HECTD4: variants seen among roughly 807,000 people sequenced by gnomAD.
HECTD4 encodes the protein probable E3 ubiquitin-protein ligase HECTD4.
In HECTD4, 114 loss-of-function variants were observed where a neutral mutation model predicts 471.5. The ratio of observed to expected loss-of-function variants is 0.24; its 90% CI spans 0.21 to 0.28. HECTD4 has a LOEUF of 0.28. Ranked by LOEUF, HECTD4 falls within the 10% of genes least tolerant of loss-of-function variation. The pLI is 1.00. For synonymous variants in HECTD4, 2,012 were observed against 2,256.0 expected, an observed-to-expected ratio of 0.89 and a Z score of 3.07; for missense variants, 3,866 against 5,651.5, an observed-to-expected ratio of 0.68 and a Z score of 10.13.
chr12:112,288,246 G>A (rs1258018372), intron 7 of HECTD4, among the ~76,000 whole-genome samples: 3 of 150,886 alleles, frequency 2.0e-5, no homozygotes, highest in African/African-American at 4.9e-5. Flanking sequence ...TTGAACCCAG[G>A]AGGCAGAGGT....
Position 112,208,595 on chromosome 12 carries a change from C to T in HECTD4, c.7903G>A (p.Glu2635Lys), listed in dbSNP as rs757285128. 1.0e-5 allele frequency: 16 copies of T among 1,603,720 alleles called. No homozygotes were observed. Among genetic ancestry groups the T allele is most frequent in the East Asian group, 6.7e-5 (3 of 44,488 alleles). ...DSDTSCHYKV[E>K]LSYENFITSG... ...GTGATGAAATTCTCATAGCTGAGCTCGACTTTATAATGACAGGAGGTGTCA... is the reference window on the plus strand; with the variant it reads ...GTGATGAAATTCTCATAGCTGAGCTTGACTTTATAATGACAGGAGGTGTCA... The change falls in exon 51 of 76, where the codon GAG becomes AAG. Residue 2635 changes from glutamate to lysine, a missense_variant. Glu to Lys is a moderately conservative substitution (Grantham distance 56). Around this residue, in one of 16 missense-constraint regions of HECTD4, gnomAD observed 266 missense variants for 441.6 expected, o/e 0.60. Transcript: ENST00000682272.
intron 32 of HECTD4, among the ~76,000 whole-genome samples, chr12:112,241,564 C>T (rs958722894): frequency 2.0e-5 from 3 of 152,122 alleles, no homozygotes; most frequent in Admixed American, 6.6e-5. Flanking sequence ...TGGCCTCAAG[C>T]GATCTTCCTG....
At position 112,193,302 on chromosome 12, in the gene HECTD4, G is replaced by A; in HGVS notation, c.8956-111C>T. 2 of 1,417,176 alleles carry A rather than the reference G, an allele frequency of 1.4e-6. No individual in the cohort carries two copies. The highest frequency in any genetic ancestry group is 9.7e-7 in the Non-Finnish European group (1 of 1,036,092). 87.8% of individuals were successfully genotyped at this position (1,417,176 alleles called of 1,614,324 possible). On this transcript the variant is annotated intron_variant, in intron 57 of 75. Transcript: ENST00000682272. This position sits in a 1 kb window ranked among gnomAD's most constrained non-coding sequence, Gnocchi z 5.2. ...CAGCCAAACGACTAAATAGCCCTCT[G>A]GAAGGAAGCAAGCTACAGATGAGAT...
At position 112,192,544 on chromosome 12, in the gene HECTD4, G is replaced by A. The variant is rs766859627; in HGVS notation, c.9292+16C>T. On this transcript the variant is annotated intron_variant, in intron 59 of 75. Coordinates refer to ENST00000682272, the MANE Select transcript of HECTD4 (RefSeq NM_001388303.1). ...ACTCCAGCTGTTCTCATCATGACAA[G>A]CTGCTGGAGACTCACCCAGTTTGAT... 4.0e-6 allele frequency: 6 copies of A among 1,515,192 alleles called. No individual in the cohort carries two copies. The African/African-American group carries it at 8.3e-5, about 21-fold the overall frequency. The allele number at this position is 1,515,192 out of a possible 1,614,324, so 93.9% of individuals were successfully genotyped here.
chr12:112,176,563 C>A, intron 65 of HECTD4, 33 bp downstream of exon 65: 2 of 1,492,866 alleles, frequency 1.3e-6, no homozygotes, highest in Non-Finnish European at 1.9e-6. Context: ...GAAGTAGGTC[C>A]CAGCCCACTC....
intron 44 of HECTD4, among the ~76,000 whole-genome samples, chr12:112,221,738 CTT>C (rs758375903): frequency 5.3e-5 from 8 of 151,514 alleles, no homozygotes; most frequent in African/African-American, 1.7e-4. Flanking sequence ...GACGCTGTCT[CTT>C]GTTTTTCTTT....
At chr12:112,220,485 T>C (rs2033055813) in intron 44 of HECTD4, among the ~76,000 whole-genome samples, 1 of 152,076 alleles carries the variant, frequency 6.6e-6, no homozygotes, top group Non-Finnish European at 1.5e-5. Context: ...AAAGGCTTAA[T>C]GAAAACATCA....
rs1430387059 is a variant in HECTD4 at position 112,381,898 on chromosome 12, G to A, written c.177+54C>T. The stretch of plus-strand genomic sequence containing the variant: ...GGCGAGGAGGGGGCCCGACCCGGGG[G>A]TGCCGGGCGAGTGGGTCAGTCCGAT... On this transcript the variant is annotated intron_variant, in intron 1 of 75. Coordinates refer to ENST00000682272, the MANE Select transcript of HECTD4 (RefSeq NM_001388303.1). The surrounding 1 kb of genome is among the most constrained non-coding windows in gnomAD (Gnocchi z 4.1). 1 of 1,181,318 alleles carries A rather than the reference G, an allele frequency of 8.5e-7. No homozygotes were observed. Among genetic ancestry groups the A allele is most frequent in the Non-Finnish European group, 1.1e-6 (1 of 945,502 alleles). 73.2% of individuals were successfully genotyped at this position (1,181,318 alleles called of 1,614,324 possible).
At chr12:112,178,321 T>C (rs1320588382) in intron 64 of HECTD4, among the ~76,000 whole-genome samples, 2 of 152,238 alleles carry the variant, frequency 1.3e-5, no homozygotes, top group African/African-American at 2.4e-5. Context: ...TAAGGCGTTA[T>C]GCATTTTCTA....
chr12:112,182,964 T>A (rs2031730819), intron 62 of HECTD4, 95 bp downstream of exon 62: 1 of 836,084 alleles, frequency 1.2e-6, no homozygotes, highest in Non-Finnish European at 1.9e-6. Context: ...TAGGGGATAC[T>A]GGGGAGGGGA....
intron 62 of HECTD4, among the ~76,000 whole-genome samples, chr12:112,181,246 C>T (rs756745199): frequency 6.6e-6 from 1 of 151,906 alleles, no homozygotes; most frequent in African/African-American, 2.4e-5. Flanking sequence ...ATATCAGAGC[C>T]TGAGGAAGAG....
intron 64 of HECTD4, among the ~76,000 whole-genome samples, chr12:112,177,375 C>CTTTT (rs1170542769): frequency 4.1e-4 from 59 of 143,484 alleles, no homozygotes; most frequent in African/African-American, 1.5e-3. Flanking sequence ...TGTTATGAGG[C>CTTTT]TATTTTTTTT....
intron 7 of HECTD4, among the ~76,000 whole-genome samples, chr12:112,301,116 G>A (rs919707865): frequency 1.3e-5 from 2 of 151,254 alleles, no homozygotes; most frequent in African/African-American, 2.4e-5. Flanking sequence ...TCGAACTCCT[G>A]ACCTTGTGAT....
intron 29 of HECTD4, among the ~76,000 whole-genome samples, chr12:112,246,167 A>G (rs2033757398): frequency 6.6e-6 from 1 of 151,790 alleles, no homozygotes; most frequent in African/African-American, 2.4e-5. Flanking sequence ...AAAATAAAAT[A>G]AAATAAAATG....
In HECTD4 at chr12:112,283,279, G is replaced by A; in HGVS notation, c.1359C>T (p.Ala453=). 1 of 1,612,098 alleles carries A rather than the reference G, an allele frequency of 6.2e-7. No homozygotes were observed. ...GAATTGTACGTTCCTGAAGTGGGTT[G>A]GCTACAAATACACCATTTTCAACCT... ...ELVVENGVFV[A]NPLQERTILM... Residue 453 remains alanine (A), a synonymous_variant, in exon 8 of 76, where the codon GCC becomes GCT. Transcript: ENST00000682272.
At chr12:112,220,842 T>A (rs2033067385) in intron 44 of HECTD4, among the ~76,000 whole-genome samples, 1 of 151,122 alleles carries the variant, frequency 6.6e-6, no homozygotes, top group Admixed American at 6.6e-5. Context: ...TGGCCCTGCA[T>A]GGTGGTGCAT....
At position 112,240,330 on chromosome 12, in the gene HECTD4, C is replaced by T. The variant is rs11066210; in HGVS notation, c.4959-303G>A. Among the ~76,000 whole-genome samples the T allele has an allele frequency of 0.056, 8,454 of 152,270 alleles. 1,296 individuals are homozygous for T. The East Asian group carries it at 0.61, about 11-fold the overall frequency. ...GTAAGGGTAAAGCGAATGGCCTCTCCACAAGCAGGGGACATTCAACATTTT... is the reference window on the plus strand; with the variant it reads ...GTAAGGGTAAAGCGAATGGCCTCTCTACAAGCAGGGGACATTCAACATTTT... On this transcript the variant is annotated intron_variant, in intron 32 of 75. Transcript: ENST00000682272.
In HECTD4 at chr12:112,163,409, A is replaced by G; in HGVS notation, c.12897+133T>C. 2.9e-6 allele frequency: 3 copies of G among 1,031,926 alleles called. No individual in the cohort carries two copies. Among genetic ancestry groups the G allele is most frequent in the Non-Finnish European group, 2.8e-6 (2 of 714,176 alleles). The allele number at this position is 1,031,926 out of a possible 1,614,324, so 63.9% of individuals were successfully genotyped here. A position where few individuals can be genotyped will look rare whatever the true frequency, so the allele number is the denominator to read the frequency against. ...AGCACAGGGAGATGACAATGATGAC[A>G]ATGATACAGGTCTGTGGCAAGGACA... is the stretch of plus-strand genomic sequence containing the variant. On this transcript the variant is annotated intron_variant, in intron 74 of 75. Coordinates refer to ENST00000682272, the MANE Select transcript of HECTD4 (RefSeq NM_001388303.1). This position sits in a 1 kb window ranked among gnomAD's most constrained non-coding sequence, Gnocchi z 8.2.
rs544751090 is a variant in HECTD4, at chr12:112,194,649, C to T, written c.8749+236G>A. Among the ~76,000 whole-genome samples the T allele has an allele frequency of 4.6e-5, 7 of 152,332 alleles. No homozygotes were observed. Among genetic ancestry groups the T allele is most frequent in the South Asian group, 2.1e-4 (1 of 4,832 alleles). ...CTTAATTTTCCTTGATCCACAATTA[C>T]GTTGGGAAACTTGATGAATGCTTAA... On this transcript the variant is annotated intron_variant, in intron 56 of 75. Coordinates refer to ENST00000682272, the MANE Select transcript of HECTD4 (RefSeq NM_001388303.1). This position sits in a 1 kb window ranked among gnomAD's most constrained non-coding sequence, Gnocchi z 4.6.
Sources: allele counts gnomAD v4.1 joint callset (sites outside exome capture counted in the v4.1 genomes callset), GRCh38; gene constraint gnomAD v4.1.1; regional missense constraint gnomAD v4.1.1; non-coding constraint Gnocchi (gnomAD v3.1); transcripts MANE v1.5; gene names NCBI Gene and HGNC (gene_info 2026-07-23, HGNC 2026-07-21).